Variants in LIMS1 observed in about 807,000 individuals in gnomAD.
LIMS1 encodes LIM zinc finger domain containing 1, also known as LIM and senescent cell antigen-like-containing domain protein 1.
In LIMS1, 18 loss-of-function variants were observed where a neutral mutation model predicts 44.1. That is an observed-to-expected ratio of 0.41 (90% CI 0.28 to 0.61). The LOEUF is 0.61. LIMS1 is among the 20% of genes least tolerant of loss of function. The pLI, the probability that LIMS1 is intolerant of heterozygous loss-of-function variation, is 0.32. For synonymous variants in LIMS1, 93 were observed against 149.1 expected, an observed-to-expected ratio of 0.62 and a Z score of 2.74; for missense variants, 201 against 422.0, an observed-to-expected ratio of 0.48 and a Z score of 4.59.
At chr2:108,667,692 A>G (rs1000748445) in intron 2 of LIMS1, among the ~76,000 whole-genome samples, 2 of 151,768 alleles carry the variant, frequency 1.3e-5, no homozygotes, top group Admixed American at 1.3e-4. Flanking sequence ...CAGTCGTCTT[A>G]TGGTATCCAC....
chr2:108,650,028 C>G (rs911298157), intron 1 of LIMS1, among the ~76,000 whole-genome samples: 1 of 152,164 alleles, frequency 6.6e-6, no homozygotes, highest in African/African-American at 2.4e-5. Context: ...TTGAGGACCT[C>G]GCACAATCCT....
intron 5 of LIMS1, chr2:108,673,529 G>A (rs1692282507): frequency 5.8e-6 from 1 of 173,164 alleles, no homozygotes; most frequent in African/African-American, 2.4e-5. Flanking sequence ...TGAGACCACA[G>A]GCACACACCA....
chr2:108,631,995 C>T (rs981129339), intron 1 of LIMS1, among the ~76,000 whole-genome samples: 4 of 152,128 alleles, frequency 2.6e-5, no homozygotes, highest in Non-Finnish European at 4.4e-5. Context: ...TGTTGAGATG[C>T]AGTTTCCCTC....
intron 1 of LIMS1, among the ~76,000 whole-genome samples, chr2:108,650,096 G>A (rs1690361538): frequency 6.6e-6 from 1 of 152,138 alleles, no homozygotes; most frequent in Non-Finnish European, 1.5e-5. Context: ...TGACTTTTTT[G>A]GTATTTTCAA....
chr2:108,680,754 A>G (rs758400257), exon 9 of LIMS1: 2 of 1,610,496 alleles, frequency 1.2e-6, no homozygotes, highest in Non-Finnish European at 1.7e-6. Flanking sequence ...TACCTGCAAC[A>G]CTAAATTAAC....
At chr2:108,575,033 G>A (rs1036849478) in intron 1 of LIMS1, among the ~76,000 whole-genome samples, 3 of 152,072 alleles carry the variant, frequency 2.0e-5, no homozygotes, top group Non-Finnish European at 4.4e-5. Context: ...ATTCATATAA[G>A]TGTCCTTTGA....
intron 1 of LIMS1, among the ~76,000 whole-genome samples, chr2:108,652,445 G>A (rs1335047052): frequency 7.9e-5 from 12 of 152,264 alleles, no homozygotes; most frequent in African/African-American, 2.7e-4. Flanking sequence ...GATGTCACAT[G>A]AACGATTCCA....
At chr2:108,594,927 C>T (rs1433146445) in intron 1 of LIMS1, among the ~76,000 whole-genome samples, 2 of 152,022 alleles carry the variant, frequency 1.3e-5, no homozygotes, top group African/African-American at 2.4e-5. Context: ...AAAAAAAAAT[C>T]GAATGTAGAG....
intron 1 of LIMS1, among the ~76,000 whole-genome samples, chr2:108,637,205 A>G: frequency 6.7e-6 from 1 of 148,894 alleles, no homozygotes; most frequent in East Asian, 2.0e-4. Context: ...AATGCAGTAA[A>G]ATCTACACAA....
intron 1 of LIMS1, among the ~76,000 whole-genome samples, chr2:108,633,181 T>G (rs1689027294): frequency 6.6e-6 from 1 of 152,116 alleles, no homozygotes; most frequent in Non-Finnish European, 1.5e-5. Flanking sequence ...TACTAATTGA[T>G]TTGGTGAGGT....
At chr2:108,641,939 T>C (rs556510264) in intron 1 of LIMS1, among the ~76,000 whole-genome samples, 10 of 152,218 alleles carry the variant, frequency 6.6e-5, no homozygotes, top group Non-Finnish European at 1.3e-4. Flanking sequence ...TTGTTTTGTT[T>C]TTAGTAGTCT....
intron 2 of LIMS1, chr2:108,662,408 A>G: frequency 6.5e-7 from 1 of 1,529,202 alleles, no homozygotes; most frequent in Non-Finnish European, 8.9e-7. Context: ...CCCACCCCTC[A>G]CACTGGACTA....
chr2:108,612,114 G>T (rs1369608818), intron 1 of LIMS1, among the ~76,000 whole-genome samples: 1 of 149,940 alleles, frequency 6.7e-6, no homozygotes, highest in African/African-American at 2.5e-5. Context: ...CTTGGCAGGG[G>T]TTCTTGAGAT....
chr2:108,551,803 TA>T lies in LIMS1; in HGVS notation c.32+17210del, dbSNP rs572662227. On this transcript the variant is annotated intron_variant, in intron 1 of 9. Coordinates refer to ENST00000544547, the Ensembl canonical transcript of LIMS1. ...TACAATATACAGATATATCTGTATA[TA>T]TGTATATGATATACAATATACATAT... Among the ~76,000 whole-genome samples, 855 of 146,382 alleles carry T rather than the reference TA, an allele frequency of 5.8e-3. 6 individuals are homozygous for T. Among genetic ancestry groups the T allele is most frequent in the African/African-American group, 0.018 (722 of 40,256 alleles).
At chr2:108,596,577 A>G (rs1170146785) in intron 1 of LIMS1, among the ~76,000 whole-genome samples, 1 of 152,306 alleles carries the variant, frequency 6.6e-6, no homozygotes, top group African/African-American at 2.4e-5. Context: ...TAATCCTAGC[A>G]CTTTGGGAGG....
chr2:108,544,127 G>A (rs1558780794), intron 1 of LIMS1, among the ~76,000 whole-genome samples: 1 of 152,192 alleles, frequency 6.6e-6, no homozygotes, highest in Non-Finnish European at 1.5e-5. Context: ...TAATTTGTTA[G>A]TAGTTATTAT....
chr2:108,546,448 G>A (rs562888041), intron 1 of LIMS1, among the ~76,000 whole-genome samples: 158 of 151,664 alleles, frequency 1.0e-3, no homozygotes, highest in Non-Finnish European at 1.9e-3. Context: ...TGCCTGGGCC[G>A]CCCTCCTACT....
At chr2:108,684,117 G>T in exon 10 of LIMS1, 3 of 516,130 alleles carry the variant, frequency 5.8e-6, no homozygotes, top group Non-Finnish European at 7.0e-6. Context: ...CTATATGAAT[G>T]GTTTTATGTC....
chr2:108,683,539 C>CA (rs35864001), intron 9 of LIMS1, among the ~76,000 whole-genome samples: 84,489 of 105,902 alleles, frequency 0.8, 33,711 homozygotes, highest in East Asian at 0.95. Context: ...GCTCTGTTTC[C>CA]AAAAAAAAAA....
Sources: allele counts gnomAD v4.1 joint callset (sites outside exome capture counted in the v4.1 genomes callset), GRCh38; gene constraint gnomAD v4.1.1; transcripts MANE v1.5; gene names NCBI Gene and HGNC (gene_info 2026-07-23, HGNC 2026-07-21).